Variants in RNF8 observed in about 807,000 individuals in gnomAD.
The protein encoded by RNF8 is E3 ubiquitin-protein ligase RNF8.
A neutral mutation model predicts 59.3 loss-of-function variants in RNF8; 8 were observed. That is an observed-to-expected ratio of 0.13 (90% CI 0.08 to 0.24). The LOEUF is 0.24. Among genes scored for constraint, RNF8 ranks in the 10% least tolerant of loss-of-function variants. RNF8 has a pLI of 1.00. For missense variants in RNF8, 406 were observed against 572.6 expected, an observed-to-expected ratio of 0.71 and a Z score of 2.97; for synonymous variants, 162 against 200.0, an observed-to-expected ratio of 0.81 and a Z score of 1.60.
chr6:37,356,573 T>C (rs1769123062), intron 1 of RNF8, among the ~76,000 whole-genome samples: 1 of 152,182 alleles, frequency 6.6e-6, no homozygotes, highest in Non-Finnish European at 1.5e-5. Flanking sequence ...GAAAAACAAG[T>C]AGAGATTTAT....
intron 7 of RNF8, among the ~76,000 whole-genome samples, chr6:37,382,699 G>A (rs1225324728): frequency 6.6e-6 from 1 of 152,178 alleles, no homozygotes; most frequent in East Asian, 1.9e-4. Flanking sequence ...GAAAGAAAAG[G>A]CTGGGCACGG....
intron 2 of RNF8, among the ~76,000 whole-genome samples, chr6:37,362,168 T>C (rs911739668): frequency 9.2e-5 from 14 of 152,224 alleles, no homozygotes; most frequent in African/African-American, 3.4e-4. Context: ...GAGTTAGGAT[T>C]ACAATATTAT....
chr6:37,380,386 C>G (rs1036902538), intron 6 of RNF8, among the ~76,000 whole-genome samples: 1 of 151,928 alleles, frequency 6.6e-6, no homozygotes, highest in African/African-American at 2.4e-5. Flanking sequence ...ATTTCCCAAC[C>G]CAGGCCGGGC....
chr6:37,390,933 G>T lies in RNF8; in HGVS notation c.*175G>T. ...CTTGCCTTCCACGGTGGCCAGCCCT[G>T]CTGCCATCATTGGCTGAAGCACCAC... On this transcript the variant is annotated 3_prime_UTR_variant, in exon 8 of 8. Transcript: ENST00000373479. 9.7e-7 allele frequency: 1 copy of T among 1,030,124 alleles called. No homozygotes were observed. The allele number at this position is 1,030,124 out of a possible 1,614,324, so 63.8% of individuals were successfully genotyped here.
intron 2 of RNF8, among the ~76,000 whole-genome samples, chr6:37,363,780 C>T (rs1299928839): frequency 6.6e-6 from 1 of 152,180 alleles, no homozygotes; most frequent in African/African-American, 2.4e-5. Context: ...TGTCCATCAA[C>T]AGTAGAATGG....
chr6:37,370,054 C>T (rs944604995), intron 3 of RNF8: 1 of 152,196 alleles, frequency 6.6e-6, no homozygotes, highest in African/African-American at 2.4e-5. Context: ...CCCAGTTGCT[C>T]AGATAATATT....
chr6:37,367,196 T>C, intron 2 of RNF8, among the ~76,000 whole-genome samples: 1 of 152,156 alleles, frequency 6.6e-6, no homozygotes, highest in East Asian at 1.9e-4. Context: ...TCTCATTAAA[T>C]CCACACAGAC....
intron 1 of RNF8, among the ~76,000 whole-genome samples, chr6:37,357,759 A>ACAGT (rs1769173670): frequency 6.6e-6 from 1 of 152,204 alleles, no homozygotes; most frequent in African/African-American, 2.4e-5. Context: ...CAATGGTAAT[A>ACAGT]CAGTCTCTAA....
At position 37,369,001 on chromosome 6, in the gene RNF8, T is replaced by C. The variant is rs754212255; in HGVS notation, c.758T>C (p.Met253Thr). Residue 253 changes from methionine to threonine, a missense_variant, in exon 3 of 8, where the codon ATG becomes ACG. Coordinates refer to ENST00000373479, the MANE Select transcript of RNF8 (RefSeq NM_003958.4). ...AGCTTACAGATGTTTAAGGTGACCA[T>C]GTCCAGGATTCTGAGGCTCAAAATA... ...QRSLQMFKVT[M>T]SRILRLKIQM... is the part of the protein sequence containing the mutation. 9.9e-6 allele frequency: 16 copies of C among 1,614,110 alleles called. No homozygotes were observed. Among genetic ancestry groups the C allele is most frequent in the South Asian group, 2.2e-5 (2 of 91,090 alleles).
chr6:37,378,284 G>C (rs1440243037), intron 6 of RNF8, among the ~76,000 whole-genome samples: 1 of 150,990 alleles, frequency 6.6e-6, no homozygotes, highest in Middle Eastern at 3.2e-3. Context: ...ACAGAGCAAG[G>C]CATGAAAAAA....
intron 6 of RNF8, among the ~76,000 whole-genome samples, chr6:37,380,874 G>A (rs567960937): frequency 2.0e-5 from 3 of 152,044 alleles, no homozygotes; most frequent in Admixed American, 2.0e-4. Flanking sequence ...GTAGAGACGA[G>A]GTTTTACCAT....
intron 7 of RNF8, among the ~76,000 whole-genome samples, chr6:37,385,161 G>A (rs1203083485): frequency 2.0e-5 from 3 of 151,752 alleles, no homozygotes; most frequent in African/African-American, 7.3e-5. Flanking sequence ...TTACAAGCAT[G>A]TGCCATCATG....
At chr6:37,382,367 G>A (rs1223394835) in intron 7 of RNF8, among the ~76,000 whole-genome samples, 2 of 152,170 alleles carry the variant, frequency 1.3e-5, no homozygotes, top group African/African-American at 4.8e-5. Flanking sequence ...AGAGGCAGTA[G>A]CACAAGCAAA....
At chr6:37,366,852 A>C (rs930620010) in intron 2 of RNF8, among the ~76,000 whole-genome samples, 2 of 152,124 alleles carry the variant, frequency 1.3e-5, no homozygotes, top group Non-Finnish European at 2.9e-5. Context: ...GTATATTTCA[A>C]CTCTGAATCT....
chr6:37,368,720 T>G lies in RNF8; in HGVS notation c.477T>G (p.Asp159Glu). The G allele has an allele frequency of 6.2e-7, 1 of 1,614,124 alleles. No individual in the cohort carries two copies. The highest frequency in any genetic ancestry group is 1.1e-5 in the South Asian group (1 of 91,066). Reference sequence around the variant, plus strand: ...GAACTAAAAGGAAATTCAGTTTGGATGAATTAGCAGGTCCTGGAGCTGAAG... The same window carrying G: ...GAACTAAAAGGAAATTCAGTTTGGAGGAATTAGCAGGTCCTGGAGCTGAAG... ...ELRTKRKFSL[D>E]ELAGPGAEGP... The change falls in exon 3 of 8, where the codon GAT becomes GAG. Residue 159 changes from aspartate (D) to glutamate (E), a missense_variant. Around this residue, in one of 3 missense-constraint regions of RNF8, gnomAD observed 285 missense variants for 342.0 expected, o/e 0.83. Coordinates refer to ENST00000373479, the MANE Select transcript of RNF8 (RefSeq NM_003958.4).
chr6:37,361,677 G>T, intron 2 of RNF8: 1 of 281,136 alleles, frequency 3.6e-6, no homozygotes, highest in South Asian at 3.1e-5. Context: ...AGAAGGGAGG[G>T]TATCCCACAG....
chr6:37,391,576 A>T lies in RNF8; in HGVS notation c.*818A>T, dbSNP rs916568929. ...ACACACAGGCAATGATTTTATGACA[A>T]CTTGATGTGCTTTTTTCTTTATTTT... On this transcript the variant is annotated 3_prime_UTR_variant, in exon 8 of 8. Transcript: ENST00000373479. 1 of 152,206 alleles carries T rather than the reference A, an allele frequency of 6.6e-6. No homozygotes were observed. Among genetic ancestry groups the T allele is most frequent in the Non-Finnish European group, 1.5e-5 (1 of 68,038 alleles). The allele number at this position is 152,206 out of a possible 1,614,324, so 9.4% of individuals were successfully genotyped here. A position where few individuals can be genotyped will look rare whatever the true frequency, so the allele number is the denominator to read the frequency against.
intron 7 of RNF8, among the ~76,000 whole-genome samples, chr6:37,389,887 G>C (rs1272124039): frequency 6.6e-6 from 1 of 152,230 alleles, no homozygotes; most frequent in Non-Finnish European, 1.5e-5. Flanking sequence ...AGGCTACCCA[G>C]AAGTGGGAGA....
In RNF8 at chr6:37,393,514, C is replaced by T. The variant is rs759505863; in HGVS notation, c.*2756C>T. The T allele has an allele frequency of 2.0e-5, 3 of 152,228 alleles. No homozygotes were observed. Among genetic ancestry groups the T allele is most frequent in the Non-Finnish European group, 2.9e-5 (2 of 68,052 alleles). The allele number at this position is 152,228 out of a possible 1,614,324, so 9.4% of individuals were successfully genotyped here. ...CAGCTGAGCCCCAGTGCTGTGCAGTCTGACTCTAATTAAAGGCACCTTCTT... is the reference window on the plus strand; with the variant it reads ...CAGCTGAGCCCCAGTGCTGTGCAGTTTGACTCTAATTAAAGGCACCTTCTT... On this transcript the variant is annotated 3_prime_UTR_variant, in exon 8 of 8. Coordinates refer to ENST00000373479, the MANE Select transcript of RNF8 (RefSeq NM_003958.4).
Sources: allele counts gnomAD v4.1 joint callset (sites outside exome capture counted in the v4.1 genomes callset), GRCh38; gene constraint gnomAD v4.1.1; regional missense constraint gnomAD v4.1.1; transcripts MANE v1.5; gene names NCBI Gene and HGNC (gene_info 2026-07-23, HGNC 2026-07-21).